Variants in SCRG1 observed in about 807,000 individuals in gnomAD.
SCRG1 encodes scrapie-responsive protein 1.
SCRG1 carries 3 observed loss-of-function variants against 7.7 expected under a neutral mutation model. The observed-to-expected ratio is 0.39, with a 90% CI of 0.18 to 1.01. The LOEUF is 1.01. Among genes scored for constraint, SCRG1 ranks in the 50% least tolerant of loss-of-function variants. The probability of loss-of-function intolerance (pLI) is 0.36; values close to 1 mark genes in which losing one functional copy is unlikely to be tolerated. For missense variants in SCRG1, 110 were observed against 117.2 expected, an observed-to-expected ratio of 0.94 and a Z score of 0.28; for synonymous variants, 46 against 41.2, an observed-to-expected ratio of 1.12 and a Z score of -0.44.
At chr4:173,449,863 G>A in the SCRG1 span, among the ~76,000 whole-genome samples, 1 of 152,158 alleles carries the variant, frequency 6.6e-6, no homozygotes, top group African/African-American at 2.4e-5. Context: ...CCTGACCCAG[G>A]AATAGGAATA....
At chr4:173,495,483 A>G in the SCRG1 span, among the ~76,000 whole-genome samples, 2 of 152,236 alleles carry the variant, frequency 1.3e-5, no homozygotes, top group African/African-American at 4.8e-5. Context: ...TGCATATAAT[A>G]TGTGCACACT....
the SCRG1 span, among the ~76,000 whole-genome samples, chr4:173,450,255 G>GC: frequency 3.9e-5 from 6 of 152,064 alleles, no homozygotes; most frequent in Non-Finnish European, 7.4e-5. Flanking sequence ...GAGGGAAACC[G>GC]CCCCCATGAT....
chr4:173,418,074 A>C, the SCRG1 span, among the ~76,000 whole-genome samples: 1 of 152,136 alleles, frequency 6.6e-6, no homozygotes, highest in Non-Finnish European at 1.5e-5. Flanking sequence ...TGGTGGTGGC[A>C]ATTGGCATAG....
upstream of SCRG1, among the ~76,000 whole-genome samples, chr4:173,402,318 G>A (rs1461892725): frequency 6.6e-6 from 1 of 152,130 alleles, no homozygotes; most frequent in Non-Finnish European, 1.5e-5. Flanking sequence ...AGTCAGGTTT[G>A]TTAGAAATAG....
the SCRG1 span, among the ~76,000 whole-genome samples, chr4:173,516,842 T>A: frequency 6.6e-6 from 1 of 152,022 alleles, no homozygotes; most frequent in Admixed American, 6.6e-5. Flanking sequence ...TCCCAGTTCT[T>A]CCCCGCATAG....
At chr4:173,470,456 G>A in the SCRG1 span, among the ~76,000 whole-genome samples, 2 of 152,176 alleles carry the variant, frequency 1.3e-5, no homozygotes, top group Non-Finnish European at 2.9e-5. Flanking sequence ...TTTGGTTGCT[G>A]AGTACATGGT....
the SCRG1 span, among the ~76,000 whole-genome samples, chr4:173,491,658 G>C: frequency 6.6e-6 from 1 of 152,198 alleles, no homozygotes; most frequent in Non-Finnish European, 1.5e-5. Flanking sequence ...CAGAGGAAAT[G>C]ACTGTAATGT....
the SCRG1 span, among the ~76,000 whole-genome samples, chr4:173,487,091 A>G: frequency 6.6e-6 from 1 of 152,206 alleles, no homozygotes; most frequent in Non-Finnish European, 1.5e-5. Flanking sequence ...GTCTGCTTTA[A>G]TTAGTATGGG....
the SCRG1 span, among the ~76,000 whole-genome samples, chr4:173,425,467 C>A: frequency 4.6e-5 from 7 of 152,156 alleles, no homozygotes; most frequent in African/African-American, 1.7e-4. Context: ...CTAATTCACC[C>A]CACTTATTTT....
intron 1 of SCRG1, among the ~76,000 whole-genome samples, chr4:173,405,988 G>A (rs983395675): frequency 3.3e-5 from 5 of 152,170 alleles, no homozygotes; most frequent in African/African-American, 1.2e-4. Context: ...GACAGAGCAA[G>A]GAAATATACT....
At chr4:173,427,754 G>A in the SCRG1 span, among the ~76,000 whole-genome samples, 1 of 152,172 alleles carries the variant, frequency 6.6e-6, no homozygotes, top group East Asian at 1.9e-4. Context: ...CCTTCTCTGA[G>A]GTAGTGGGAG....
chr4:173,502,034 A>G, the SCRG1 span, among the ~76,000 whole-genome samples: 1 of 152,138 alleles, frequency 6.6e-6, no homozygotes, highest in Non-Finnish European at 1.5e-5. The surrounding 1 kb of genome is among the most constrained non-coding windows in gnomAD (Gnocchi z 4.6). Context: ...TAATGGAAGG[A>G]AGGGAGGGCG....
At chr4:173,453,259 T>C in the SCRG1 span, among the ~76,000 whole-genome samples, 2 of 152,246 alleles carry the variant, frequency 1.3e-5, no homozygotes, top group East Asian at 3.9e-4. Context: ...CTATCCCCTG[T>C]ATAAACATCC....
the SCRG1 span, among the ~76,000 whole-genome samples, chr4:173,461,771 G>C: frequency 6.6e-6 from 1 of 151,960 alleles, no homozygotes. Context: ...CTTTCAGACA[G>C]AGAATTCAAA....
the SCRG1 span, among the ~76,000 whole-genome samples, chr4:173,510,833 G>A: frequency 6.6e-6 from 1 of 152,148 alleles, no homozygotes; most frequent in African/African-American, 2.4e-5. The surrounding 1 kb of genome is among the most constrained non-coding windows in gnomAD (Gnocchi z 5.7). Context: ...AGATCCACAA[G>A]CGCTTTTGAT....
chr4:173,447,696 G>C, the SCRG1 span, among the ~76,000 whole-genome samples: 1 of 152,062 alleles, frequency 6.6e-6, no homozygotes, highest in Admixed American at 6.6e-5. Flanking sequence ...TCCAATTTTA[G>C]TATAAGTGCT....
the SCRG1 span, among the ~76,000 whole-genome samples, chr4:173,431,027 A>G: frequency 1.3e-5 from 2 of 152,188 alleles, no homozygotes; most frequent in Non-Finnish European, 2.9e-5. Flanking sequence ...TACAATGTTC[A>G]TGATTTGGAT....
At chr4:173,443,900 A>G in the SCRG1 span, among the ~76,000 whole-genome samples, 2 of 151,182 alleles carry the variant, frequency 1.3e-5, no homozygotes, top group African/African-American at 4.9e-5. Context: ...TGTCATATAT[A>G]CTGTTAGCTT....
At chr4:173,485,049 A>AATATATT in the SCRG1 span, among the ~76,000 whole-genome samples, 2 of 29,444 alleles carry the variant, frequency 6.8e-5, no homozygotes, top group Non-Finnish European at 1.1e-4. Context: ...TATATTATAT[A>AATATATT]ATATATTATA....
Sources: gnomAD v4.1 joint callset for allele counts (sites outside exome capture counted in the v4.1 genomes callset) on GRCh38, gnomAD v4.1.1 for gene constraint, Gnocchi (gnomAD v3.1) non-coding constraint, MANE v1.5 for transcripts, NCBI Gene and HGNC (gene_info 2026-07-23, HGNC 2026-07-21) for gene names.